The following MAP2K2 variants were observed in gnomAD, a reference collection of about 807,000 sequenced individuals.
MAP2K2 encodes the protein dual specificity mitogen-activated protein kinase kinase 2.
In MAP2K2, 24 loss-of-function variants were observed where a neutral mutation model predicts 43.7. The ratio of observed to expected loss-of-function variants is 0.55; its 90% confidence interval spans 0.40 to 0.77. The LOEUF is 0.77. Among genes scored for constraint, MAP2K2 ranks in the 30% least tolerant of loss-of-function variants. The pLI is 0.00. For synonymous variants in MAP2K2, 244 were observed against 239.7 expected (o/e 1.02, Z -0.17); for missense variants, 470 against 566.8 (o/e 0.83, Z 1.73).
At chr19:4,105,196 G>GTGTA (rs869154603) in intron 3 of MAP2K2, among the ~76,000 whole-genome samples, 40 of 114,244 alleles carry the variant, frequency 3.5e-4, no homozygotes, top group African/African-American at 1.0e-3. Context: ...GTGTGTGTGT[G>GTGTA]TGTGTGTGAT....
intron 6 of MAP2K2, chr19:4,100,428 TCAAAAAAAAA>T (rs2040987837): frequency 2.3e-4 from 5 of 21,496 alleles, no homozygotes; most frequent in African/African-American, 1.2e-3. Context: ...AGACTCTGTC[TCAAAAAAAAA>T]AAAAAAAAAA....
intron 2 of MAP2K2, among the ~76,000 whole-genome samples, chr19:4,116,415 AG>A (rs1404779374): frequency 1.3e-5 from 2 of 152,124 alleles, no homozygotes; most frequent in Non-Finnish European, 2.9e-5. Context: ...CTGTAATCCC[AG>A]CTACTCGGGA....
chr19:4,111,070 T>C (rs1385086793), intron 2 of MAP2K2, among the ~76,000 whole-genome samples: 1 of 151,870 alleles, frequency 6.6e-6, no homozygotes, highest in African/African-American at 2.4e-5. Flanking sequence ...CCCATTTCTG[T>C]GAAATGTCCA....
intron 3 of MAP2K2, among the ~76,000 whole-genome samples, chr19:4,107,854 G>A (rs2041104647): frequency 6.6e-6 from 1 of 152,212 alleles, no homozygotes. Flanking sequence ...ATCCTGGGAG[G>A]AGCTCACACA....
At chr19:4,092,001 AG>A (rs1398384940) in intron 10 of MAP2K2, among the ~76,000 whole-genome samples, 2 of 152,144 alleles carry the variant, frequency 1.3e-5, no homozygotes, top group African/African-American at 2.4e-5. Context: ...TGTACAGGAC[AG>A]CACAACATGA....
At chr19:4,103,210 G>A (rs1599292796) in intron 3 of MAP2K2, 1 of 987,058 alleles carries the variant, frequency 1.0e-6, no homozygotes. Context: ...ATCCTGCGGA[G>A]GGCCTGGAAA....
At chr19:4,113,861 G>A (rs1236315445) in intron 2 of MAP2K2, among the ~76,000 whole-genome samples, 1 of 152,190 alleles carries the variant, frequency 6.6e-6, no homozygotes, top group Non-Finnish European at 1.5e-5. Flanking sequence ...CCCCCCGGCC[G>A]CCACCCCGCA....
chr19:4,103,974 C>T (rs888917345), intron 3 of MAP2K2, among the ~76,000 whole-genome samples: 5 of 152,202 alleles, frequency 3.3e-5, no homozygotes, highest in East Asian at 3.9e-4. Context: ...AAAATGAGGC[C>T]GGACATGGGC....
rs564105863 is a variant in MAP2K2 at position 4,090,997 on chromosome 19, G to C, written c.1093-289C>G. ...CTCCCAGGGGAGGGTCTACGCTCGC[G>C]CAAGCCCAGGGTCCTCCGGCCGCTG... On this transcript the variant is annotated intron_variant, in intron 10 of 10. Transcript: ENST00000262948. Among the ~76,000 whole-genome samples the C allele has an allele frequency of 2.0e-5, 3 of 152,336 alleles. No homozygotes were observed. In the East Asian group the frequency reaches 5.8e-4, roughly 29 times the overall value.
intron 3 of MAP2K2, among the ~76,000 whole-genome samples, chr19:4,105,202 GTGA>G: frequency 7.9e-6 from 1 of 127,114 alleles, no homozygotes; most frequent in South Asian, 2.6e-4. Flanking sequence ...GTGTGTGTGT[GTGA>G]TGTTTAAAAT....
At chr19:4,096,934 C>T (rs936213317) in intron 8 of MAP2K2, among the ~76,000 whole-genome samples, 5 of 151,266 alleles carry the variant, frequency 3.3e-5, no homozygotes, top group East Asian at 3.9e-4. Context: ...ACGCGACACA[C>T]GTGGAATTGG....
chr19:4,097,225 A>AAG (rs2145046268), intron 8 of MAP2K2, 54 bp downstream of exon 8: 7 of 1,251,236 alleles, frequency 5.6e-6, no homozygotes, highest in Non-Finnish European at 6.7e-6. Context: ...AAAAAAAAAA[A>AAG]AAAGAAAGAA....
Position 4,090,667 on chromosome 19 carries a change from A to T in MAP2K2, c.1134T>A (p.Asp378Glu). Residue 378 changes from aspartate (D) to glutamate (E), a missense_variant, in exon 11 of 11, where the codon GAT becomes GAA. By Grantham distance (45) the Asp-to-Glu change is conservative. This residue lies in a region of MAP2K2 where 212 missense variants were observed against 220.8 expected (regional missense o/e 0.96). Coordinates refer to ENST00000262948, the MANE Select transcript of MAP2K2 (RefSeq NM_030662.4). ...FIKRSEVEEV[D>E]FAGWLCKTLR... ...GGGTTTTACACAACCAGCCGGCAAAATCCACTTCTTCCACCTCGGACCGCT... is the reference window on the plus strand; with the variant it reads ...GGGTTTTACACAACCAGCCGGCAAATTCCACTTCTTCCACCTCGGACCGCT... The T allele has an allele frequency of 6.4e-7, 1 of 1,560,088 alleles. No individual in the cohort carries two copies. Among genetic ancestry groups the T allele is most frequent in the East Asian group, 2.4e-5 (1 of 41,790 alleles).
At chr19:4,097,402 G>GCCCAACCCCCAGCAGAA in intron 7 of MAP2K2, 59 bp from the exon 8 acceptor site, 1 of 1,361,178 alleles carries the variant, frequency 7.3e-7, no homozygotes, top group Non-Finnish European at 1.1e-6. Flanking sequence ...TTCTGCTGGG[G>GCCCAACCCCCAGCAGAA]GTTGGGCTCC....
chr19:4,111,540 G>A (rs752284163), intron 2 of MAP2K2, among the ~76,000 whole-genome samples: 3 of 152,154 alleles, frequency 2.0e-5, no homozygotes, highest in Non-Finnish European at 4.4e-5. Flanking sequence ...ACACAGAGCC[G>A]CGGGCGCCCC....
At chr19:4,107,380 C>T (rs966511233) in intron 3 of MAP2K2, among the ~76,000 whole-genome samples, 7 of 151,398 alleles carry the variant, frequency 4.6e-5, no homozygotes, top group East Asian at 1.9e-4. Flanking sequence ...AAAAATTAGC[C>T]GGCTGTGGTG....
intron 8 of MAP2K2, 52 bp downstream of exon 8, chr19:4,097,227 A>T: frequency 8.1e-7 from 1 of 1,231,272 alleles, no homozygotes; most frequent in Non-Finnish European, 1.1e-6. Flanking sequence ...AAAAAAAAAA[A>T]AGAAAGAAGA....
intron 2 of MAP2K2, among the ~76,000 whole-genome samples, chr19:4,114,417 G>A (rs7258366): frequency 0.18 from 27,080 of 152,176 alleles, 2,768 homozygotes; most frequent in East Asian, 0.3. Context: ...TGGGCAGGCC[G>A]TGTGACCGCC....
In MAP2K2 at chr19:4,115,322, C is replaced by A. The variant is rs1184023715; in HGVS notation, c.303+2097G>T. ...CCGCTACAGTAAAGCTGCAGGTGGG[C>A]CCGGCTTCACCTGCGCCTGTCAGCA... On this transcript the variant is annotated intron_variant, in intron 2 of 10. Coordinates refer to ENST00000262948, the MANE Select transcript of MAP2K2 (RefSeq NM_030662.4). This position sits in a 1 kb window ranked among gnomAD's most constrained non-coding sequence, Gnocchi z 4.1. 6.6e-6 allele frequency among the ~76,000 whole-genome samples: 1 copy of A among 152,172 alleles called. No individual in the cohort carries two copies. Among genetic ancestry groups the A allele is most frequent in the Non-Finnish European group, 1.5e-5 (1 of 68,028 alleles).
Sources: gnomAD v4.1 joint callset for allele counts (sites outside exome capture counted in the v4.1 genomes callset) on GRCh38, gnomAD v4.1.1 for gene constraint, gnomAD v4.1.1 regional missense constraint, Gnocchi (gnomAD v3.1) non-coding constraint, MANE v1.5 for transcripts, NCBI Gene and HGNC (gene_info 2026-07-23, HGNC 2026-07-21) for gene names.